Variants in MLEC observed in about 807,000 individuals in gnomAD.
The protein encoded by MLEC is oligosaccharyltransferase complex subunit (non-catalytic).
A neutral mutation model predicts 28.7 loss-of-function variants in MLEC; 7 were observed. The observed-to-expected ratio is 0.24, with a 90% CI of 0.14 to 0.46. The LOEUF (loss-of-function observed/expected upper bound fraction) is 0.46. Among genes scored for constraint, MLEC ranks in the 20% least tolerant of loss-of-function variants. MLEC has a pLI of 0.99. For synonymous variants in MLEC, 142 were observed against 164.4 expected, an observed-to-expected ratio of 0.86 and a Z score of 1.04; for missense variants, 237 against 391.1, an observed-to-expected ratio of 0.61 and a Z score of 3.32.
In MLEC at chr12:120,699,516, TG is replaced by T. The variant is rs1566016087; in HGVS notation, c.*2973del. Reference sequence around the variant, plus strand: ...GCTCTGACTTAGGTCAGGGGCCTGTTGGTCTCTCATTGGACGTTTTTGGGTC... The same window carrying T: ...GCTCTGACTTAGGTCAGGGGCCTGTTGTCTCTCATTGGACGTTTTTGGGTC... On this transcript the variant is annotated 3_prime_UTR_variant, in exon 5 of 5. Coordinates refer to ENST00000228506, the MANE Select transcript of MLEC (RefSeq NM_014730.4). 6.6e-6 allele frequency: 1 copy of T among 152,280 alleles called. No individual in the cohort carries two copies. Among genetic ancestry groups the T allele is most frequent in the African/African-American group, 2.4e-5 (1 of 41,464 alleles). The allele number at this position is 152,280 out of a possible 1,614,324, so 9.4% of individuals were successfully genotyped here. A position where few individuals can be genotyped will look rare whatever the true frequency, so the allele number is the denominator to read the frequency against.
chr12:120,693,569 T>G (rs1882117001), intron 1 of MLEC, among the ~76,000 whole-genome samples: 2 of 152,248 alleles, frequency 1.3e-5, no homozygotes, highest in African/African-American at 4.8e-5. Context: ...AAGCTGGAAT[T>G]TTATTCGTAA....
At chr12:120,693,845 CT>C (rs1882124234) in intron 1 of MLEC, 1 of 350,816 alleles carries the variant, frequency 2.9e-6, no homozygotes, top group Non-Finnish European at 5.3e-6. Flanking sequence ...AAGTTCCGCT[CT>C]GAGGTTTACA....
rs10849778 is a variant in MLEC at position 120,697,705 on chromosome 12, G to A, written c.*1160G>A. On this transcript the variant is annotated 3_prime_UTR_variant, in exon 5 of 5. Coordinates refer to ENST00000228506, the MANE Select transcript of MLEC (RefSeq NM_014730.4). The surrounding 1 kb of genome is among the most constrained non-coding windows in gnomAD (Gnocchi z 4.8). ...TGACTGACCACTGTTTAGAGTGTCT[G>A]GTATCTGATGTTCATTTATTCCCAT... 0.25 allele frequency: 37,935 copies of A among 152,574 alleles called. 6,603 individuals are homozygous for A. The highest frequency in any genetic ancestry group is 0.49 in the African/African-American group (20,419 of 41,468). The allele number at this position is 152,574 out of a possible 1,614,324, so 9.5% of individuals were successfully genotyped here. A position where few individuals can be genotyped will look rare whatever the true frequency, so the allele number is the denominator to read the frequency against.
chr12:120,693,646 G>T (rs752751982), intron 1 of MLEC, among the ~76,000 whole-genome samples: 4 of 152,234 alleles, frequency 2.6e-5, no homozygotes, highest in Non-Finnish European at 5.9e-5. Context: ...TTTTCTGAAT[G>T]AGAGAAAACA....
At chr12:120,693,046 A>T (rs1174895192) in intron 1 of MLEC, among the ~76,000 whole-genome samples, 1 of 152,218 alleles carries the variant, frequency 6.6e-6, no homozygotes, top group Non-Finnish European at 1.5e-5. Flanking sequence ...GAAGAAAAAA[A>T]CATATATACA....
Position 120,687,519 on chromosome 12 carries a change from C to A in MLEC, c.223C>A (p.Arg75=). 1 of 1,489,046 alleles carries A rather than the reference C, an allele frequency of 6.7e-7. No homozygotes were observed. Among genetic ancestry groups the A allele is most frequent in the South Asian group, 1.3e-5 (1 of 74,156 alleles). The allele number at this position is 1,489,046 out of a possible 1,614,324, so 92.2% of individuals were successfully genotyped here. Reference sequence around the variant, plus strand: ...CTTCCGCAAGGACCCTTTGGAAGGCCGGGTGGGCCGAGGTGAGAGTCCCCC... The same window carrying A: ...CTTCCGCAAGGACCCTTTGGAAGGCAGGGTGGGCCGAGGTGAGAGTCCCCC... ...IHFRKDPLEG[R]VGRASDYGMK... is the part of the protein sequence containing the mutation. The change falls in exon 1 of 5, where the codon CGG becomes AGG. Residue 75 remains arginine (R), a synonymous_variant. Coordinates refer to ENST00000228506, the MANE Select transcript of MLEC (RefSeq NM_014730.4). The surrounding 1 kb of genome is among the most constrained non-coding windows in gnomAD (Gnocchi z 8.1).
At position 120,698,071 on chromosome 12, in the gene MLEC, TGAA is replaced by T. The variant is rs1353935257; in HGVS notation, c.*1528_*1530del. ...ATCCATTTCCCAGTTAGGGCAACAA[TGAA>T]GGAGGACCCAGCCAAGCTAGAAGGA... On this transcript the variant is annotated 3_prime_UTR_variant, in exon 5 of 5. Transcript: ENST00000228506. 1 of 152,156 alleles carries T rather than the reference TGAA, an allele frequency of 6.6e-6. No individual in the cohort carries two copies. The highest frequency in any genetic ancestry group is 1.5e-5 in the Non-Finnish European group (1 of 68,018). The allele number at this position is 152,156 out of a possible 1,614,324, so 9.4% of individuals were successfully genotyped here.
chr12:120,691,085 C>A (rs759311417), intron 1 of MLEC, among the ~76,000 whole-genome samples: 5 of 152,224 alleles, frequency 3.3e-5, no homozygotes, highest in Admixed American at 1.3e-4. Flanking sequence ...GGCTTTACAG[C>A]TGTGTTCTCA....
Position 120,687,161 on chromosome 12 carries a change from A to T in MLEC, c.-136A>T. 1 of 985,126 alleles carries T rather than the reference A, an allele frequency of 1.0e-6. No homozygotes were observed. Among genetic ancestry groups the T allele is most frequent in the South Asian group, 4.0e-5 (1 of 24,954 alleles). The allele number at this position is 985,126 out of a possible 1,614,324, so 61.0% of individuals were successfully genotyped here. On this transcript the variant is annotated 5_prime_UTR_variant, in exon 1 of 5. Coordinates refer to ENST00000228506, the MANE Select transcript of MLEC (RefSeq NM_014730.4). The surrounding 1 kb of genome is among the most constrained non-coding windows in gnomAD (Gnocchi z 8.1). Reference sequence around the variant, plus strand: ...GGAGGCGGTACCCGTGGCTGAGAAGAAGGAGGCCTGAGAGCGACATGTCCC... The same window carrying T: ...GGAGGCGGTACCCGTGGCTGAGAAGTAGGAGGCCTGAGAGCGACATGTCCC...
In MLEC at chr12:120,694,951, A is replaced by G. The variant is rs1270482569; in HGVS notation, c.542A>G (p.Gln181Arg). Residue 181 changes from glutamine to arginine, a missense_variant, in exon 3 of 5, where the codon CAG (glutamine) becomes CGG (arginine). Coordinates refer to ENST00000228506, the MANE Select transcript of MLEC (RefSeq NM_014730.4). The surrounding 1 kb of genome is among the most constrained non-coding windows in gnomAD (Gnocchi z 4.5). ...ATCAGAAAGGGGAAGCTGAGTGTCC[A>G]GGGGGAGGTGTCCACCTTCACAGGG... ...MSIRKGKLSV[Q>R]GEVSTFTGKL... is the part of the protein sequence containing the mutation. 6 of 1,614,226 alleles carry G rather than the reference A, an allele frequency of 3.7e-6. No homozygotes were observed. Among genetic ancestry groups the G allele is most frequent in the Non-Finnish European group, 5.1e-6 (6 of 1,180,026 alleles).
rs114790739 is a variant in MLEC, at chr12:120,688,853, G to A, written c.235+1322G>A. Among the ~76,000 whole-genome samples the A allele has an allele frequency of 9.3e-3, 1,416 of 152,358 alleles. 19 individuals carry two copies. The highest frequency in any genetic ancestry group is 0.032 in the African/African-American group (1,350 of 41,572). ...AGATCACAGTAGCCTGGGTTCAGCT[G>A]ACTCAGGGCTCCAGTCTTTAGCAGC... is the stretch of plus-strand genomic sequence containing the variant. On this transcript the variant is annotated intron_variant, in intron 1 of 4. Coordinates refer to ENST00000228506, the MANE Select transcript of MLEC (RefSeq NM_014730.4).
intron 1 of MLEC, among the ~76,000 whole-genome samples, chr12:120,692,020 C>T (rs773758116): frequency 1.3e-5 from 2 of 152,038 alleles, no homozygotes; most frequent in Non-Finnish European, 2.9e-5. Flanking sequence ...ATTAGCCGGG[C>T]GTGGTGATGC....
Position 120,694,095 on chromosome 12 carries a change from A to T in MLEC, c.240A>T (p.Ser80=). The T allele has an allele frequency of 6.2e-7, 1 of 1,613,436 alleles. No homozygotes were observed. The change falls in exon 2 of 5, where the codon TCA becomes TCT. Residue 80 remains serine (S), a synonymous_variant. Transcript: ENST00000228506. This position sits in a 1 kb window ranked among gnomAD's most constrained non-coding sequence, Gnocchi z 4.5. ...DPLEGRVGRA[S]DYGMKLPILR... ...CTCTTTGTCTTTTGTCCTCAGCCTC[A>T]GACTATGGCATGAAACTGCCAATCC... is the stretch of plus-strand genomic sequence containing the variant.
chr12:120,687,465 G>C lies in MLEC; in HGVS notation c.169G>C (p.Glu57Gln), dbSNP rs1881869969. ...CATTTGGGCGGTCAACGCGGGTGGA[G>C]AGGCGCATGTGGACGTGCACGGGAT... The part of the protein sequence containing the change: ...SVIWAVNAGG[E>Q]AHVDVHGIHF... The change falls in exon 1 of 5, where the codon GAG (glutamate) becomes CAG (glutamine). Residue 57 changes from glutamate (E) to glutamine (Q), a missense_variant. Coordinates refer to ENST00000228506, the MANE Select transcript of MLEC (RefSeq NM_014730.4). This position sits in a 1 kb window ranked among gnomAD's most constrained non-coding sequence, Gnocchi z 8.1. The C allele has an allele frequency of 7.0e-7, 1 of 1,420,626 alleles. No individual in the cohort carries two copies. The highest frequency in any genetic ancestry group is 9.2e-7 in the Non-Finnish European group (1 of 1,084,882). 88.0% of individuals were successfully genotyped at this position (1,420,626 alleles called of 1,614,324 possible). A position where few individuals can be genotyped will look rare whatever the true frequency, so the allele number is the denominator to read the frequency against.
intron 1 of MLEC, among the ~76,000 whole-genome samples, chr12:120,688,024 C>T (rs930348462): frequency 6.6e-6 from 1 of 152,172 alleles, no homozygotes; most frequent in African/African-American, 2.4e-5. Context: ...TTGATTGTAG[C>T]CTCCTCCCCC....
At chr12:120,690,111 C>T (rs73225023) in intron 1 of MLEC, among the ~76,000 whole-genome samples, 10,238 of 152,214 alleles carry the variant, frequency 0.067, 476 homozygotes, top group South Asian at 0.16. Context: ...GGTTTAGAAG[C>T]GTTCACCTTG....
In MLEC at chr12:120,687,506, C is replaced by T; in HGVS notation, c.210C>T (p.Asp70=). The T allele has an allele frequency of 6.7e-7, 1 of 1,484,740 alleles. No individual in the cohort carries two copies. The highest frequency in any genetic ancestry group is 8.9e-7 in the Non-Finnish European group (1 of 1,118,074). The allele number at this position is 1,484,740 out of a possible 1,614,324, so 92.0% of individuals were successfully genotyped here. A position where few individuals can be genotyped will look rare whatever the true frequency, so the allele number is the denominator to read the frequency against. Residue 70 remains aspartate, a synonymous_variant, in exon 1 of 5, where the codon GAC becomes GAT. Transcript: ENST00000228506. The surrounding 1 kb of genome is among the most constrained non-coding windows in gnomAD (Gnocchi z 8.1). ...TGCACGGGATCCACTTCCGCAAGGA[C>T]CCTTTGGAAGGCCGGGTGGGCCGAG... The part of the protein sequence containing the change: ...VDVHGIHFRK[D]PLEGRVGRAS...
rs1373095890 is a variant in MLEC, at chr12:120,699,088, C to T, written c.*2543C>T. On this transcript the variant is annotated 3_prime_UTR_variant, in exon 5 of 5. Transcript: ENST00000228506. ...TTTTGTTTTTGTTTTGTGGCTCCTC[C>T]AAGATATAGGTACATGAAGTTTAGG... 6.6e-6 allele frequency: 1 copy of T among 152,590 alleles called. No individual in the cohort carries two copies. Among genetic ancestry groups the T allele is most frequent in the African/African-American group, 2.4e-5 (1 of 41,404 alleles). The allele number at this position is 152,590 out of a possible 1,614,324, so 9.5% of individuals were successfully genotyped here.
intron 1 of MLEC, among the ~76,000 whole-genome samples, chr12:120,690,302 C>T (rs1050081742): frequency 1.3e-5 from 2 of 152,166 alleles, no homozygotes; most frequent in Non-Finnish European, 2.9e-5. Context: ...TGAACCATCA[C>T]GCCTGACCAT....
Sources: allele counts gnomAD v4.1 joint callset (sites outside exome capture counted in the v4.1 genomes callset), GRCh38; gene constraint gnomAD v4.1.1; non-coding constraint Gnocchi (gnomAD v3.1); transcripts MANE v1.5; gene names NCBI Gene and HGNC (gene_info 2026-07-23, HGNC 2026-07-21).